Variants in AP1S2 observed in about 807,000 individuals in gnomAD.
The protein encoded by AP1S2 is AP-1 complex subunit sigma-2.
Under a neutral mutation model 14.3 loss-of-function variants are expected in AP1S2, and 1 was observed. The observed-to-expected ratio is 0.07, with a 90% CI of 0.02 to 0.33. The LOEUF is 0.33. Among genes scored for constraint, AP1S2 ranks in the 10% least tolerant of loss-of-function variants. AP1S2 has a pLI of 0.99. For synonymous variants in AP1S2, 30 were observed against 40.5 expected (o/e 0.74, Z 0.99); for missense variants, 30 against 117.7 (o/e 0.25, Z 3.45).
At chrX:15,848,479 G>C (rs887082212) in intron 2 of AP1S2, among the ~76,000 whole-genome samples, 1 of 111,388 alleles carries the variant, frequency 9.0e-6, no homozygotes, top group Non-Finnish European at 1.9e-5. Flanking sequence ...TCCCATACCT[G>C]GCAAAAATTA....
At chrX:15,829,816 T>C (rs1933373433) in intron 4 of AP1S2, among the ~76,000 whole-genome samples, 1 of 111,056 alleles carries the variant, frequency 9.0e-6, no homozygotes, top group African/African-American at 3.3e-5. Context: ...AAATGGGGAA[T>C]TGTTGATTAA....
At chrX:15,833,093 A>G in intron 4 of AP1S2, 1 of 1,015,016 alleles carries the variant, frequency 9.9e-7, no homozygotes, top group South Asian at 3.9e-5. Context: ...TTTTGCCTAA[A>G]TAATACCAGT....
At chrX:15,854,574 G>T in intron 1 of AP1S2, 114 bp downstream of exon 1, 1 of 222,472 alleles carries the variant, frequency 4.5e-6, no homozygotes, top group African/African-American at 3.0e-5. Flanking sequence ...GTGGCGGGCC[G>T]GGCAGGCTCG....
chrX:15,829,464 C>T (rs997495940), intron 4 of AP1S2, among the ~76,000 whole-genome samples: 5 of 111,624 alleles, frequency 4.5e-5, no homozygotes, highest in African/African-American at 1.6e-4. Context: ...ACAGCTACTC[C>T]GTGGAGCTGG....
At chrX:15,845,767 A>G (rs1933981327) in intron 3 of AP1S2, 136 bp downstream of exon 3, 1 of 639,413 alleles carries the variant, frequency 1.6e-6, no homozygotes, top group South Asian at 2.6e-5. Flanking sequence ...CAACTTAATA[A>G]TTTCTACTAA....
intron 4 of AP1S2, among the ~76,000 whole-genome samples, chrX:15,840,045 A>G (rs1265662937): frequency 8.9e-6 from 1 of 111,835 alleles, no homozygotes; most frequent in Admixed American, 9.5e-5. Flanking sequence ...AAACAAATCA[A>G]TTTTAGCAGC....
intron 4 of AP1S2, chrX:15,833,150 TTAATTTTCTATCATACCATG>T (rs1221418346): frequency 1.0e-6 from 1 of 983,600 alleles, no homozygotes; most frequent in Non-Finnish European, 1.3e-6. Flanking sequence ...CTTTTCTCTC[TTAATTTTCTATCATACCATG>T]TAAAAACCAA....
intron 4 of AP1S2, chrX:15,845,042 T>A: frequency 1.3e-6 from 1 of 748,972 alleles, no homozygotes; most frequent in African/African-American, 2.3e-5. Context: ...TTTGAAGCAA[T>A]AGATGGAGAG....
intron 4 of AP1S2, among the ~76,000 whole-genome samples, chrX:15,835,945 A>G (rs926281662): frequency 1.8e-5 from 2 of 110,626 alleles, no homozygotes; most frequent in Admixed American, 1.9e-4. Flanking sequence ...CCCTACAAAA[A>G]ATAAAATAAT....
rs58890583 is a variant in AP1S2 at position 15,841,319 on chromosome X, C to T, written c.426+4060G>A. On this transcript the variant is annotated intron_variant, in intron 4 of 5. Transcript: ENST00000672987. The stretch of plus-strand genomic sequence containing the variant: ...AATCAAAATCATTGAGATGTGTATA[C>T]ACCTTTAAGCCAACAGATAAGTACA... Among the ~76,000 whole-genome samples, 968 of 110,824 alleles carry T rather than the reference C, an allele frequency of 8.7e-3. 12 individuals carry two copies. The highest frequency in any genetic ancestry group is 0.03 in the African/African-American group (924 of 30,560).
intron 2 of AP1S2, among the ~76,000 whole-genome samples, chrX:15,851,695 C>T (rs1193954251): frequency 9.0e-6 from 1 of 111,523 alleles, no homozygotes; most frequent in Non-Finnish European, 1.9e-5. Context: ...GTGTTAAAAG[C>T]CAATCTATGA....
Position 15,832,570 on chromosome X carries a change from T to C in AP1S2, c.427-4370A>G, listed in dbSNP as rs1479239280. The stretch of plus-strand genomic sequence containing the variant: ...GGAATGAAGCAGCAAGTTAAAATCA[T>C]ATTAATAAGAAATTAAACTCCCAAC... On this transcript the variant is annotated intron_variant, in intron 4 of 5. Coordinates refer to ENST00000672987, the MANE Select transcript of AP1S2 (RefSeq NM_001272071.2). 5.3e-6 allele frequency: 4 copies of C among 754,835 alleles called. No homozygotes were observed. In the East Asian group the frequency reaches 5.9e-4, roughly 110 times the overall value. 62.2% of individuals were successfully genotyped at this position (754,835 alleles called of 1,213,427 possible).
chrX:15,845,625 A>T, intron 3 of AP1S2, 109 bp from the exon 4 acceptor site: 1 of 1,015,319 alleles, frequency 9.8e-7, no homozygotes, highest in Non-Finnish European at 1.3e-6. Context: ...ACTAGAGTGA[A>T]TCAATCTTAA....
chrX:15,830,003 A>G lies in AP1S2; in HGVS notation c.427-1803T>C. ...AAAATTTGCCTAGAAAAATGAAAAT[A>G]TAAAACGTTATTTTATGAGGGATGG... On this transcript the variant is annotated intron_variant, in intron 4 of 5. Transcript: ENST00000672987. 3.1e-6 allele frequency: 2 copies of G among 636,435 alleles called. 1 individual carries two copies. The highest frequency in any genetic ancestry group is 3.8e-6 in the Non-Finnish European group (2 of 531,773). 52.4% of individuals were successfully genotyped at this position (636,435 alleles called of 1,213,427 possible). A position where few individuals can be genotyped will look rare whatever the true frequency, so the allele number is the denominator to read the frequency against.
At chrX:15,846,071 A>G in intron 2 of AP1S2, 60 bp from the exon 3 acceptor site, 2 of 836,110 alleles carry the variant, frequency 2.4e-6, no homozygotes, top group East Asian at 6.3e-5. Context: ...TTCTAAATAT[A>G]TTTTCATATC....
chrX:15,828,840 A>G (rs1933343024), intron 4 of AP1S2, among the ~76,000 whole-genome samples: 2 of 111,574 alleles, frequency 1.8e-5, no homozygotes, highest in South Asian at 7.4e-4. Context: ...TAAAACGCAC[A>G]TCAATCAGAT....
chrX:15,828,335 T>A, intron 4 of AP1S2, 135 bp from the exon 5 acceptor site: 1 of 413,346 alleles, frequency 2.4e-6, no homozygotes, highest in Non-Finnish European at 3.7e-6. Context: ...TCTGTTTCCT[T>A]ATTTGGAAAA....
chrX:15,827,811 T>G (rs920587101), intron 5 of AP1S2, among the ~76,000 whole-genome samples: 1 of 111,749 alleles, frequency 8.9e-6, no homozygotes, highest in African/African-American at 3.3e-5. Flanking sequence ...TAGAAATGTC[T>G]TCCTCTTGGA....
chrX:15,829,838 T>C (rs1227102863), intron 4 of AP1S2, among the ~76,000 whole-genome samples: 1 of 111,126 alleles, frequency 9.0e-6, no homozygotes, highest in Non-Finnish European at 1.9e-5. Flanking sequence ...GGGTATAGAG[T>C]TTCAGTTCTG....
Sources: allele counts gnomAD v4.1 joint callset (sites outside exome capture counted in the v4.1 genomes callset), GRCh38; gene constraint gnomAD v4.1.1; transcripts MANE v1.5; gene names NCBI Gene and HGNC (gene_info 2026-07-23, HGNC 2026-07-21).